TCFL5: variants seen among roughly 807,000 people sequenced by gnomAD.
The protein encoded by TCFL5 is transcription factor like 5, also known as transcription factor-like 5 protein.
Under a neutral mutation model 44.3 loss-of-function variants are expected in TCFL5, and 9 were observed. That is an observed-to-expected ratio of 0.20 (90% confidence interval 0.12 to 0.35). The LOEUF (loss-of-function observed/expected upper bound fraction) is 0.35, where lower values mean the gene tolerates loss of function less well. Among genes scored for constraint, TCFL5 ranks in the 10% least tolerant of loss-of-function variants. The pLI, the probability that TCFL5 is intolerant of heterozygous loss-of-function variation, is 1.00. For missense variants in TCFL5, 603 were observed against 613.4 expected, an observed-to-expected ratio of 0.98 and a Z score of 0.18; for synonymous variants, 319 against 271.6, an observed-to-expected ratio of 1.17 and a Z score of -1.72.
Position 62,858,503 on chromosome 20 carries a change from G to A in TCFL5, c.994+861C>T, listed in dbSNP as rs768862571. On this transcript the variant is annotated intron_variant, in intron 3 of 5. Transcript: ENST00000335351. Reference sequence around the variant, plus strand: ...AAAATTTTATAGGGAGGAAAAGGAAGGACTGACATGGGAGAAGGCGGTAGC... The same window carrying A: ...AAAATTTTATAGGGAGGAAAAGGAAAGACTGACATGGGAGAAGGCGGTAGC... Among the ~76,000 whole-genome samples the A allele has an allele frequency of 2.0e-5, 3 of 152,324 alleles. No homozygotes were observed. The East Asian group carries it at 5.8e-4, about 29-fold the overall frequency.
intron 5 of TCFL5, among the ~76,000 whole-genome samples, chr20:62,847,718 T>C (rs2063761075): frequency 6.6e-6 from 1 of 152,112 alleles, no homozygotes; most frequent in Non-Finnish European, 1.5e-5. Context: ...AGAATGAAAA[T>C]CCGTATGTAG....
chr20:62,860,340 A>G (rs768483432), intron 1 of TCFL5, 32 bp from the exon 2 acceptor site: 1 of 1,582,246 alleles, frequency 6.3e-7, no homozygotes, highest in South Asian at 1.1e-5. Context: ...CAGAAGTGTC[A>G]GCAATACGTG....
At chr20:62,854,198 G>A (rs936767022) in intron 4 of TCFL5, 41 bp from the exon 5 acceptor site, 24 of 1,606,332 alleles carry the variant, frequency 1.5e-5, no homozygotes, top group Admixed American at 6.9e-5. Flanking sequence ...AGAGACCGGA[G>A]CAAAACAAAC....
At chr20:62,856,338 A>G (rs56119925) in intron 4 of TCFL5, among the ~76,000 whole-genome samples, 3 of 151,980 alleles carry the variant, frequency 2.0e-5, no homozygotes, top group Non-Finnish European at 1.5e-5. Flanking sequence ...AAAGAAGGAT[A>G]CCACAAATAA....
At chr20:62,845,701 T>A (rs2063733335) in intron 5 of TCFL5, 1 of 1,606,760 alleles carries the variant, frequency 6.2e-7, no homozygotes, top group East Asian at 2.2e-5. Context: ...ATCGAGGACT[T>A]CCAATATGAC....
intron 4 of TCFL5, among the ~76,000 whole-genome samples, chr20:62,854,597 T>C (rs1211893909): frequency 6.6e-6 from 1 of 152,224 alleles, no homozygotes; most frequent in Non-Finnish European, 1.5e-5. Flanking sequence ...ACGGGCTAAA[T>C]ACCCTACCAG....
chr20:62,843,705 T>C (rs1213426388), intron 5 of TCFL5, among the ~76,000 whole-genome samples: 1 of 152,172 alleles, frequency 6.6e-6, no homozygotes, highest in African/African-American at 2.4e-5. Flanking sequence ...CACCTTTTCA[T>C]CACCCTAAAC....
In TCFL5 at chr20:62,841,507, G is replaced by A. The variant is rs984980150; in HGVS notation, c.*468C>T. On this transcript the variant is annotated 3_prime_UTR_variant, in exon 6 of 6. Coordinates refer to ENST00000335351, the MANE Select transcript of TCFL5 (RefSeq NM_006602.4). ...CGTGACTCAGAGTCATGACAAGGGG[G>A]TGTGATATAACGAATGAAATAAAAT... is the stretch of plus-strand genomic sequence containing the variant. The A allele has an allele frequency of 6.4e-6, 1 of 155,164 alleles. No individual in the cohort carries two copies. The highest frequency in any genetic ancestry group is 2.4e-5 in the African/African-American group (1 of 41,456). The allele number at this position is 155,164 out of a possible 1,614,324, so 9.6% of individuals were successfully genotyped here.
intron 5 of TCFL5, among the ~76,000 whole-genome samples, chr20:62,843,555 T>C (rs1286359056): frequency 1.3e-5 from 2 of 152,180 alleles, no homozygotes; most frequent in Non-Finnish European, 2.9e-5. Context: ...TTTTAAAACA[T>C]AGCATTCTAC....
intron 5 of TCFL5, chr20:62,846,050 T>C (rs776523456): frequency 7.4e-7 from 1 of 1,343,036 alleles, no homozygotes; most frequent in African/African-American, 1.5e-5. Context: ...ATTCTTTCCA[T>C]CAACTGCTGA....
chr20:62,856,487 G>A (rs1391935533), intron 4 of TCFL5, among the ~76,000 whole-genome samples: 2 of 151,636 alleles, frequency 1.3e-5, no homozygotes, highest in East Asian at 1.9e-4. Context: ...GGCAGATCAC[G>A]AGGTCAGGAG....
chr20:62,854,100 G>A lies in TCFL5; in HGVS notation c.1296C>T (p.Ala432=), dbSNP rs1192887861. The A allele has an allele frequency of 4.3e-6, 7 of 1,614,050 alleles. No homozygotes were observed. The highest frequency in any genetic ancestry group is 2.2e-5 in the East Asian group (1 of 44,884). ...ELNLLVPFCN[A]ETDKATTLQW... is the part of the protein sequence containing the mutation. ...GCAGAGTTGTGGCCTTGTCAGTCTC[G>A]GCATTGCAGAACGGCACTAAGAGAT... Residue 432 remains alanine, a synonymous_variant, in exon 5 of 6, where the codon GCC becomes GCT. Transcript: ENST00000335351.
intron 2 of TCFL5, 104 bp from the exon 3 acceptor site, chr20:62,859,630 T>C (rs2063954770): frequency 1.9e-6 from 2 of 1,051,216 alleles, no homozygotes; most frequent in Non-Finnish European, 1.4e-6. Context: ...TACTAACACG[T>C]AATTTGAAGA....
chr20:62,845,187 T>C (rs1438129294), intron 5 of TCFL5: 2 of 966,096 alleles, frequency 2.1e-6, no homozygotes, highest in Non-Finnish European at 2.5e-6. Context: ...AATGGCACGA[T>C]CTCAGCTCAC....
chr20:62,841,793 C>A lies in TCFL5; in HGVS notation c.*182G>T, dbSNP rs1268314466. On this transcript the variant is annotated 3_prime_UTR_variant, in exon 6 of 6. Coordinates refer to ENST00000335351, the MANE Select transcript of TCFL5 (RefSeq NM_006602.4). ...GTCTAAGAGGACATTCATGGATAAGCATTTGCGTCTAGATAAATATTTTTA... is the reference window on the plus strand; with the variant it reads ...GTCTAAGAGGACATTCATGGATAAGAATTTGCGTCTAGATAAATATTTTTA... 2 of 603,154 alleles carry A rather than the reference C, an allele frequency of 3.3e-6. No homozygotes were observed. The highest frequency in any genetic ancestry group is 1.9e-5 in the African/African-American group (1 of 52,908). 37.4% of individuals were successfully genotyped at this position (603,154 alleles called of 1,614,324 possible).
intron 5 of TCFL5, among the ~76,000 whole-genome samples, chr20:62,843,139 T>C (rs1262536058): frequency 6.6e-6 from 1 of 152,106 alleles, no homozygotes; most frequent in Non-Finnish European, 1.5e-5. Flanking sequence ...TTTCAACAAA[T>C]GAACGGTGAG....
intron 5 of TCFL5, chr20:62,845,580 C>G: frequency 6.6e-7 from 1 of 1,524,584 alleles, no homozygotes; most frequent in Non-Finnish European, 8.8e-7. Flanking sequence ...AAAGTCAGAG[C>G]CTGGGCCGGC....
At chr20:62,845,636 G>A (rs750085996) in intron 5 of TCFL5, 6 of 1,602,386 alleles carry the variant, frequency 3.7e-6, no homozygotes, top group East Asian at 2.2e-5. Context: ...CTGCTGGGGC[G>A]TCACCCCTTC....
Position 62,861,263 on chromosome 20 carries a change from C to G in TCFL5, c.408G>C (p.Glu136Asp). Residue 136 changes from glutamate to aspartate, a missense_variant, in exon 1 of 6, where the codon GAG (glutamate) becomes GAC (aspartate). Around this residue, in one of 4 missense-constraint regions of TCFL5, gnomAD observed 540 missense variants for 478.7 expected, o/e 1.13. Transcript: ENST00000335351. This position sits in a 1 kb window ranked among gnomAD's most constrained non-coding sequence, Gnocchi z 4.0. ...FQELRMMLLSEAGAAEKTSGG... is the reference protein window; with the variant it reads ...FQELRMMLLSDAGAAEKTSGG... Reference sequence around the variant, plus strand: ...CCGACGTCTTCTCCGCCGCGCCCGCCTCGCTTAGCAGCATCATGCGCAGCT... The same window carrying G: ...CCGACGTCTTCTCCGCCGCGCCCGCGTCGCTTAGCAGCATCATGCGCAGCT... The G allele has an allele frequency of 8.2e-7, 1 of 1,212,554 alleles. No homozygotes were observed. The highest frequency in any genetic ancestry group is 1.0e-6 in the Non-Finnish European group (1 of 956,526). The allele number at this position is 1,212,554 out of a possible 1,614,324, so 75.1% of individuals were successfully genotyped here.
Sources: gnomAD v4.1 joint callset for allele counts (sites outside exome capture counted in the v4.1 genomes callset) on GRCh38, gnomAD v4.1.1 for gene constraint, gnomAD v4.1.1 regional missense constraint, Gnocchi (gnomAD v3.1) non-coding constraint, MANE v1.5 for transcripts, NCBI Gene and HGNC (gene_info 2026-07-23, HGNC 2026-07-21) for gene names.